The following PSMD12 variants were observed in gnomAD, a reference collection of about 807,000 sequenced individuals.
PSMD12 encodes the protein 26S proteasome non-ATPase regulatory subunit 12.
Under a neutral mutation model 62.9 loss-of-function variants are expected in PSMD12, and 8 were observed. The observed-to-expected ratio is 0.13, with a 90% CI of 0.07 to 0.23. The LOEUF (loss-of-function observed/expected upper bound fraction) is 0.23, where lower values mean the gene tolerates loss of function less well. PSMD12 is among the 10% of genes least tolerant of loss of function. PSMD12 has a pLI of 1.00. For missense variants in PSMD12, 424 were observed against 550.2 expected (o/e 0.77, Z 2.29); for synonymous variants, 173 against 187.4 (o/e 0.92, Z 0.63).
intron 7 of PSMD12, 98 bp downstream of exon 7, chr17:67,347,018 T>C (rs756691854): frequency 3.2e-6 from 4 of 1,266,076 alleles, no homozygotes; most frequent in African/African-American, 3.0e-5. Context: ...CACCATACAA[T>C]TGCATCTAAC....
chr17:67,341,190 T>C (rs886212104), intron 10 of PSMD12, 138 bp from the exon 11 acceptor site: 2 of 662,774 alleles, frequency 3.0e-6, no homozygotes, highest in Middle Eastern at 3.9e-4. Flanking sequence ...AACACTCAGC[T>C]GGGTGTGGTG....
intron 3 of PSMD12, among the ~76,000 whole-genome samples, chr17:67,354,043 A>G (rs1451277067): frequency 1.3e-5 from 2 of 152,264 alleles, no homozygotes; most frequent in Admixed American, 6.5e-5. Flanking sequence ...TGCCAAGGGC[A>G]AGAACTATAG....
At position 67,338,248 on chromosome 17, in the gene PSMD12, A is replaced by T. The variant is rs1051283330; in HGVS notation, c.*2595T>A. 4 of 152,252 alleles carry T rather than the reference A, an allele frequency of 2.6e-5. No individual in the cohort carries two copies. The highest frequency in any genetic ancestry group is 9.6e-5 in the African/African-American group (4 of 41,470). The allele number at this position is 152,252 out of a possible 1,614,324, so 9.4% of individuals were successfully genotyped here. ...TGACAATGAAATGGAATCAAGTGTT[A>T]TCTTCTCCACATTTAAAACAAAGTG... On this transcript the variant is annotated 3_prime_UTR_variant, in exon 11 of 11. Coordinates refer to ENST00000356126, the MANE Select transcript of PSMD12 (RefSeq NM_002816.5).
chr17:67,362,286 CCAT>C (rs1188596364), intron 1 of PSMD12, among the ~76,000 whole-genome samples: 1 of 152,200 alleles, frequency 6.6e-6, no homozygotes, highest in Non-Finnish European at 1.5e-5. Context: ...AAAGAGATAA[CCAT>C]CATCAAGAAC....
intron 1 of PSMD12, chr17:67,361,163 A>T (rs2042124620): frequency 6.6e-6 from 1 of 152,226 alleles, no homozygotes; most frequent in African/African-American, 2.4e-5. Flanking sequence ...GATGTAAGCG[A>T]CTAATGAGTT....
At position 67,350,337 on chromosome 17, in the gene PSMD12, C is replaced by A; in HGVS notation, c.298-1G>T. The A allele has an allele frequency of 1.3e-6, 2 of 1,585,264 alleles. No individual in the cohort carries two copies. Among genetic ancestry groups the A allele is most frequent in the Admixed American group, 1.8e-5 (1 of 54,550 alleles). ...ACTGTTGAACCATTTTGGCAACAGC[C>A]TAAAATATTAAAAACCATTCATAAG... On this transcript the variant is annotated splice_acceptor_variant, in intron 3 of 10. Transcript: ENST00000356126. LOFTEE classifies it high-confidence loss of function.
intron 1 of PSMD12, among the ~76,000 whole-genome samples, chr17:67,363,265 C>G (rs1218734051): frequency 6.6e-6 from 1 of 152,188 alleles, no homozygotes; most frequent in African/African-American, 2.4e-5. Context: ...GATCCTCCTG[C>G]CTCAGCCTCC....
chr17:67,349,914 G>A (rs2042001874), intron 4 of PSMD12, among the ~76,000 whole-genome samples: 1 of 151,910 alleles, frequency 6.6e-6, no homozygotes, highest in African/African-American at 2.4e-5. Context: ...TTTCCTCTAT[G>A]TCTAAAATGC....
intron 8 of PSMD12, 61 bp downstream of exon 8, chr17:67,345,684 A>T (rs1184713606): frequency 7.0e-7 from 1 of 1,436,710 alleles, no homozygotes; most frequent in East Asian, 2.3e-5. Context: ...TAGGTTAGCC[A>T]ATTTTCTTTC....
intron 3 of PSMD12, chr17:67,355,461 C>T (rs1228111053): frequency 6.6e-6 from 1 of 152,130 alleles, no homozygotes; most frequent in Non-Finnish European, 1.5e-5. Flanking sequence ...CAGTAACTGA[C>T]TTCTGCAAAA....
chr17:67,343,552 C>A (rs1037573851), intron 9 of PSMD12, among the ~76,000 whole-genome samples: 1 of 152,144 alleles, frequency 6.6e-6, no homozygotes, highest in Admixed American at 6.5e-5. Context: ...TCGATTCATC[C>A]GACCTGATCA....
intron 10 of PSMD12, among the ~76,000 whole-genome samples, chr17:67,341,888 A>G (rs575180476): frequency 6.6e-6 from 1 of 152,310 alleles, no homozygotes; most frequent in South Asian, 2.1e-4. Context: ...ACTGTCACAG[A>G]TCCTTCTGGG....
intron 1 of PSMD12, among the ~76,000 whole-genome samples, chr17:67,364,245 C>T (rs933617630): frequency 6.6e-6 from 1 of 150,690 alleles, no homozygotes; most frequent in South Asian, 2.1e-4. Flanking sequence ...AAAAAAAAAT[C>T]AAAATTCAAA....
rs556124500 is a variant in PSMD12, at chr17:67,358,620, T to TA, written c.109-1043dup. ...AAAAAAGAAAAAAAAAGTAGGAAAA[T>TA]AAATGATTCCTTTATGAAGTTACCG... On this transcript the variant is annotated intron_variant, in intron 1 of 10. Transcript: ENST00000356126. Among the ~76,000 whole-genome samples, 176 of 95,790 alleles carry TA rather than the reference T, an allele frequency of 1.8e-3. 3 individuals carry two copies. The South Asian group carries it at 0.041, about 22-fold the overall frequency. 62.8% of individuals were successfully genotyped at this position (95,790 alleles called of 152,430 possible). A position where few individuals can be genotyped will look rare whatever the true frequency, so the allele number is the denominator to read the frequency against.
chr17:67,357,485 A>G, intron 2 of PSMD12, 34 bp downstream of exon 2: 1 of 1,612,932 alleles, frequency 6.2e-7, no homozygotes, highest in Non-Finnish European at 8.5e-7. Context: ...AATGAAATTA[A>G]TGGTAACTGA....
intron 3 of PSMD12, among the ~76,000 whole-genome samples, chr17:67,353,183 G>A (rs1026843669): frequency 2.0e-5 from 3 of 152,280 alleles, no homozygotes; most frequent in African/African-American, 7.2e-5. Context: ...AAAAATGCAA[G>A]ACATTCAGGA....
At chr17:67,360,244 T>C (rs1239075482) in intron 1 of PSMD12, among the ~76,000 whole-genome samples, 1 of 152,224 alleles carries the variant, frequency 6.6e-6, no homozygotes, top group African/African-American at 2.4e-5. Context: ...CACGTGACTG[T>C]GATCAATAAA....
In PSMD12 at chr17:67,366,516, C is replaced by A; in HGVS notation, c.4G>T (p.Ala2Ser). ...TCAGCCCGCTCCGAGCCGCCGTCCGCCATGGTCCCCGCCTGAGCGTCCCTT... is the reference window on the plus strand; with the variant it reads ...TCAGCCCGCTCCGAGCCGCCGTCCGACATGGTCCCCGCCTGAGCGTCCCTT... M[A>S]DGGSERADGR... Residue 2 changes from alanine to serine, a missense_variant, in exon 1 of 11, where the codon GCG becomes TCG. Coordinates refer to ENST00000356126, the MANE Select transcript of PSMD12 (RefSeq NM_002816.5). The A allele has an allele frequency of 6.2e-7, 1 of 1,605,536 alleles. No individual in the cohort carries two copies. The highest frequency in any genetic ancestry group is 1.1e-5 in the South Asian group (1 of 90,832).
chr17:67,366,526 C>T lies in PSMD12; in HGVS notation c.-7G>A, dbSNP rs776445098. The T allele has an allele frequency of 1.3e-6, 2 of 1,599,622 alleles. No homozygotes were observed. The highest frequency in any genetic ancestry group is 1.7e-6 in the Non-Finnish European group (2 of 1,174,608). On this transcript the variant is annotated 5_prime_UTR_variant, in exon 1 of 11. Coordinates refer to ENST00000356126, the MANE Select transcript of PSMD12 (RefSeq NM_002816.5). ...CCGAGCCGCCGTCCGCCATGGTCCCCGCCTGAGCGTCCCTTGCTGTCCCCC... is the reference window on the plus strand; with the variant it reads ...CCGAGCCGCCGTCCGCCATGGTCCCTGCCTGAGCGTCCCTTGCTGTCCCCC...
Sources: gnomAD v4.1 joint callset for allele counts (sites outside exome capture counted in the v4.1 genomes callset) on GRCh38, gnomAD v4.1.1 for gene constraint, MANE v1.5 for transcripts, NCBI Gene and HGNC (gene_info 2026-07-23, HGNC 2026-07-21) for gene names.